GSE1: variants seen among roughly 807,000 people sequenced by gnomAD.
The protein encoded by GSE1 is Gse1 coiled-coil protein.
A neutral mutation model predicts 112.6 loss-of-function variants in GSE1; 32 were observed. The ratio of observed to expected loss-of-function variants is 0.28; its 90% CI spans 0.21 to 0.38. The LOEUF (loss-of-function observed/expected upper bound fraction) is 0.38, where lower values mean the gene tolerates loss of function less well. Ranked by LOEUF, GSE1 falls within the 10% of genes least tolerant of loss-of-function variation. The pLI is 1.00. For missense variants in GSE1, 2,348 were observed against 1,699.2 expected, an observed-to-expected ratio of 1.38 and a Z score of -6.71; for synonymous variants, 1,115 against 735.6, an observed-to-expected ratio of 1.52 and a Z score of -8.35.
At chr16:85,286,795 C>T (rs1302406311) in intron 1 of GSE1, among the ~76,000 whole-genome samples, 2 of 151,564 alleles carry the variant, frequency 1.3e-5, no homozygotes, top group African/African-American at 4.9e-5. Context: ...CAGACGAGTT[C>T]GTATGATCAG....
At chr16:85,415,340 C>T (rs1036454141) in intron 2 of GSE1, among the ~76,000 whole-genome samples, 1 of 152,316 alleles carries the variant, frequency 6.6e-6, no homozygotes, top group Admixed American at 6.5e-5. Flanking sequence ...CTACAGCAGA[C>T]GAAGTGCTAA....
chr16:85,171,593 A>G, exon 1 of GSE1: 2 of 985,564 alleles, frequency 2.0e-6, no homozygotes, highest in Non-Finnish European at 2.4e-6. Flanking sequence ...TGTCAGCAGG[A>G]GAAGAAACGG....
chr16:85,525,945 C>T (rs2052351471), intron 2 of GSE1, among the ~76,000 whole-genome samples: 1 of 152,218 alleles, frequency 6.6e-6, no homozygotes, highest in African/African-American at 2.4e-5. Context: ...GGACACCAGC[C>T]AGCAGCCTTG....
At chr16:85,531,804 C>T (rs1283988131) in intron 2 of GSE1, among the ~76,000 whole-genome samples, 2 of 152,166 alleles carry the variant, frequency 1.3e-5, no homozygotes, top group Admixed American at 6.5e-5. Context: ...AGGTGCTGGG[C>T]GCAGGACAGG....
At chr16:85,641,089 C>T (rs1228727856) in intron 2 of GSE1, among the ~76,000 whole-genome samples, 7 of 152,244 alleles carry the variant, frequency 4.6e-5, no homozygotes, top group Non-Finnish European at 8.8e-5. Context: ...GAGGCAAGGC[C>T]TCCCCTAGCC....
Position 85,675,688 on chromosome 16 carries a change from C to G in GSE1, c.*3149C>G, listed in dbSNP as rs1016351009. 2 of 152,222 alleles carry G rather than the reference C, an allele frequency of 1.3e-5. No homozygotes were observed. The highest frequency in any genetic ancestry group is 2.4e-5 in the African/African-American group (1 of 41,458). 9.4% of individuals were successfully genotyped at this position (152,222 alleles called of 1,614,324 possible). A position where few individuals can be genotyped will look rare whatever the true frequency, so the allele number is the denominator to read the frequency against. ...AGTTAAGCTGAATTTCACACCAGAT[C>G]CTACCCCTTTCCCTGAGCCACATGT... On this transcript the variant is annotated 3_prime_UTR_variant, in exon 16 of 16. Transcript: ENST00000253458.
chr16:85,647,739 A>T (rs1048530382), intron 2 of GSE1, among the ~76,000 whole-genome samples: 41 of 152,300 alleles, frequency 2.7e-4, no homozygotes, highest in African/African-American at 9.1e-4. Flanking sequence ...GGCGCGCGCC[A>T]TCACGCCCGG....
At chr16:85,613,777 T>C (rs2048165004) in intron 1 of GSE1, among the ~76,000 whole-genome samples, 1 of 138,416 alleles carries the variant, frequency 7.2e-6, no homozygotes, top group African/African-American at 2.7e-5. Flanking sequence ...ATGAAAACTT[T>C]GCGGCGACGC....
chr16:85,555,754 T>C, upstream of GSE1: 1 of 974,044 alleles, frequency 1.0e-6, no homozygotes. Context: ...GCCCTTGACA[T>C]TCAAATGGCT....
chr16:85,491,566 T>TG (rs1292313214), intron 2 of GSE1, among the ~76,000 whole-genome samples: 1 of 151,988 alleles, frequency 6.6e-6, no homozygotes, highest in African/African-American at 2.4e-5. Flanking sequence ...GCCTGGCCTG[T>TG]GGGCAAGGAG....
At chr16:85,546,528 G>C (rs2044708677) in intron 2 of GSE1, among the ~76,000 whole-genome samples, 1 of 152,268 alleles carries the variant, frequency 6.6e-6, no homozygotes, top group Non-Finnish European at 1.5e-5. Flanking sequence ...AGCCAGAACA[G>C]GGGCCTCTGC....
chr16:85,447,496 C>T (rs1049262815), intron 2 of GSE1, among the ~76,000 whole-genome samples: 1 of 152,222 alleles, frequency 6.6e-6, no homozygotes, highest in Admixed American at 6.5e-5. Flanking sequence ...GGACGGAGGA[C>T]TCAGGTTGGC....
At chr16:85,456,563 AG>A in intron 2 of GSE1, among the ~76,000 whole-genome samples, 1 of 100,318 alleles carries the variant, frequency 1.0e-5, no homozygotes, top group South Asian at 3.6e-4. Flanking sequence ...CAGGGAGGGG[AG>A]GGTCATTTTC....
upstream of GSE1, among the ~76,000 whole-genome samples, chr16:85,610,169 C>T (rs770402801): frequency 1.3e-5 from 2 of 152,242 alleles, no homozygotes; most frequent in African/African-American, 4.8e-5. Flanking sequence ...CACCAGCATC[C>T]TGTTGCCTTG....
intron 1 of GSE1, among the ~76,000 whole-genome samples, chr16:85,277,170 A>G (rs1315014089): frequency 6.6e-6 from 1 of 152,088 alleles, no homozygotes; most frequent in East Asian, 1.9e-4. Context: ...GTGGGGAGAA[A>G]TAGAGGCGAG....
At chr16:85,442,398 T>TG (rs1235085947) in intron 2 of GSE1, among the ~76,000 whole-genome samples, 1 of 152,128 alleles carries the variant, frequency 6.6e-6, no homozygotes, top group Non-Finnish European at 1.5e-5. Context: ...GGCCCAGCGC[T>TG]GGGTGTCCAG....
chr16:85,397,977 G>A (rs570939777), intron 2 of GSE1, among the ~76,000 whole-genome samples: 2 of 151,832 alleles, frequency 1.3e-5, no homozygotes, highest in Admixed American at 6.6e-5. Context: ...GTTCCGAATC[G>A]TGGGGGTGGG....
intron 1 of GSE1, among the ~76,000 whole-genome samples, chr16:85,581,377 T>A (rs1021624183): frequency 1.3e-5 from 2 of 152,176 alleles, no homozygotes; most frequent in Admixed American, 1.3e-4. Flanking sequence ...CTGCACGGTG[T>A]CCCTGGCAAC....
At chr16:85,447,154 G>GCCATGCCGGGC (rs1014729178) in intron 2 of GSE1, among the ~76,000 whole-genome samples, 11 of 152,146 alleles carry the variant, frequency 7.2e-5, no homozygotes, top group Non-Finnish European at 1.3e-4. Context: ...AGCACCTGGG[G>GCCATGCCGGGC]CCATGCCGGG....
Sources: allele counts gnomAD v4.1 joint callset (sites outside exome capture counted in the v4.1 genomes callset), GRCh38; gene constraint gnomAD v4.1.1; transcripts MANE v1.5; gene names NCBI Gene and HGNC (gene_info 2026-07-23, HGNC 2026-07-21).